The following GNL3 variants were observed in gnomAD, a reference collection of about 807,000 sequenced individuals.
GNL3 encodes the protein guanine nucleotide-binding protein-like 3.
A neutral mutation model predicts 70.6 loss-of-function variants in GNL3; 77 were observed. The ratio of observed to expected loss-of-function variants is 1.09; its 90% CI spans 0.91 to 1.32. GNL3 has a LOEUF of 1.32. GNL3 is among the 40% of genes most tolerant of loss of function. The probability of loss-of-function intolerance (pLI) is 0.00; values close to 1 mark genes in which losing one functional copy is unlikely to be tolerated. For missense variants in GNL3, 634 were observed against 644.0 expected (o/e 0.98, Z 0.17); for synonymous variants, 252 against 216.1 (o/e 1.17, Z -1.46).
chr3:52,694,333 T>C lies in GNL3; in HGVS notation c.*58T>C. The C allele has an allele frequency of 1.1e-6, 1 of 943,148 alleles. No individual in the cohort carries two copies. Among genetic ancestry groups the C allele is most frequent in the Non-Finnish European group, 1.7e-6 (1 of 596,540 alleles). The allele number at this position is 943,148 out of a possible 1,614,324, so 58.4% of individuals were successfully genotyped here. On this transcript the variant is annotated 3_prime_UTR_variant, in exon 15 of 15. Coordinates refer to ENST00000418458, the MANE Select transcript of GNL3 (RefSeq NM_014366.5). ...ACATTTTAAGCAGACTGCTAAACTG[T>C]TCTCTGTATAAGTTATGGTATGCAT...
rs1482717483 is a variant in GNL3 at position 52,693,514 on chromosome 3, C to T, written c.1294C>T (p.Leu432=). The T allele has an allele frequency of 1.2e-6, 2 of 1,614,116 alleles. No individual in the cohort carries two copies. The highest frequency in any genetic ancestry group is 1.6e-4 in the Middle Eastern group (1 of 6,062). ...DMKSGFNLEE[L]EKNNAQSIRA... ...GAAAAGCGGCTTCAATCTGGAAGAA[C>T]TGGAAAAGAACAATGCACAGAGCAT... is the stretch of plus-strand genomic sequence containing the variant. The change falls in exon 12 of 15, where the codon CTG becomes TTG. Residue 432 remains leucine (L), a synonymous_variant. Coordinates refer to ENST00000418458, the MANE Select transcript of GNL3 (RefSeq NM_014366.5).
At chr3:52,691,197 T>G in intron 8 of GNL3, 126 bp downstream of exon 8, 1 of 798,734 alleles carries the variant, frequency 1.3e-6, no homozygotes, top group East Asian at 2.5e-5. Context: ...ACTCAAATAC[T>G]AGCTTCTTGC....
intron 9 of GNL3, among the ~76,000 whole-genome samples, chr3:52,692,567 T>G (rs1578578879): frequency 2.6e-5 from 4 of 152,002 alleles, no homozygotes; most frequent in African/African-American, 9.7e-5. Flanking sequence ...TCCACCCACC[T>G]CGGCCTCCCA....
intron 6 of GNL3, 141 bp downstream of exon 6, chr3:52,689,347 A>G: frequency 1.2e-6 from 1 of 831,374 alleles, no homozygotes; most frequent in Non-Finnish European, 2.1e-6. Flanking sequence ...AGACAGTGCT[A>G]GGCAGTGGGG....
chr3:52,690,883 T>G (rs2097326577), intron 7 of GNL3, 62 bp from the exon 8 acceptor site: 5 of 1,558,630 alleles, frequency 3.2e-6, no homozygotes, highest in Non-Finnish European at 4.4e-6. Flanking sequence ...GCCTGATTGC[T>G]TGGGGTTTGT....
intron 9 of GNL3, 133 bp downstream of exon 9, chr3:52,691,762 G>A: frequency 1.6e-6 from 1 of 619,056 alleles, no homozygotes; most frequent in South Asian, 1.8e-5. Context: ...GAGGGCAATG[G>A]CGCAATCTCG....
intron 8 of GNL3, 52 bp from the exon 9 acceptor site, chr3:52,691,490 T>C (rs1553911228): frequency 9.4e-7 from 1 of 1,066,152 alleles, no homozygotes; most frequent in South Asian, 1.3e-5. Context: ...GAAAATTTCA[T>C]AAGTGCCAAC....
intron 8 of GNL3, 183 bp downstream of exon 8, chr3:52,691,254 A>C (rs1277182407): frequency 9.6e-6 from 6 of 622,890 alleles, no homozygotes; most frequent in Non-Finnish European, 1.7e-5. Flanking sequence ...TAAAGAAAAA[A>C]ACTTACACAA....
At position 52,692,369 on chromosome 3, in the gene GNL3, A is replaced by ACTTTTTTTTT. The variant is rs71087009; in HGVS notation, c.870-503_870-502insCTTTTTTTTT. On this transcript the variant is annotated intron_variant, in intron 9 of 14. Transcript: ENST00000418458. ...GCCACTGTGCCTGGCCAACTTTTAG[A>ACTTTTTTTTT]TTTTTTTTTTTTGGGAGATGGAGTC... Among the ~76,000 whole-genome samples the ACTTTTTTTTT allele has an allele frequency of 6.6e-4, 84 of 126,400 alleles. 3 individuals are homozygous for ACTTTTTTTTT. The highest frequency in any genetic ancestry group is 1.6e-3 in the South Asian group (7 of 4,294). The allele number at this position is 126,400 out of a possible 152,430, so 82.9% of individuals were successfully genotyped here. A position where few individuals can be genotyped will look rare whatever the true frequency, so the allele number is the denominator to read the frequency against.
intron 1 of GNL3, 166 bp downstream of exon 1, chr3:52,686,271 C>G: frequency 4.3e-6 from 3 of 700,098 alleles, no homozygotes. Flanking sequence ...TTGGAAGTCC[C>G]TACGGCGATC....
Position 52,686,799 on chromosome 3 carries a change from G to GC in GNL3, c.46dup (p.His16ProfsTer2). On this transcript the variant is annotated frameshift_variant, in exon 2 of 15. Coordinates refer to ENST00000418458, the MANE Select transcript of GNL3 (RefSeq NM_014366.5). LOFTEE classifies it high-confidence loss of function. ...AAGAAAGCAAGTAAACGCATGACCT[G>GC]CCATAAGCGGTATAAAATCCAAAAA... 6.2e-7 allele frequency: 1 copy of GC among 1,612,604 alleles called. No homozygotes were observed. Among genetic ancestry groups the GC allele is most frequent in the Non-Finnish European group, 8.5e-7 (1 of 1,178,598 alleles).
chr3:52,688,282 C>A, intron 5 of GNL3, 90 bp downstream of exon 5: 2 of 763,856 alleles, frequency 2.6e-6, no homozygotes, highest in Non-Finnish European at 4.6e-6. Context: ...ATGAAGGGTG[C>A]ATGTGCAGGT....
rs959535408 is a variant in GNL3 at position 52,692,909 on chromosome 3, A to G, written c.907A>G (p.Ile303Val). 3.1e-6 allele frequency: 5 copies of G among 1,613,452 alleles called. No individual in the cohort carries two copies. The highest frequency in any genetic ancestry group is 2.2e-5 in the East Asian group (1 of 44,858). Residue 303 changes from isoleucine (I) to valine (V), a missense_variant, in exon 10 of 15, where the codon ATC becomes GTC. Coordinates refer to ENST00000418458, the MANE Select transcript of GNL3 (RefSeq NM_014366.5). ...TGTCCCCTTGGACAAACAGATCACA[A>G]TCATAGATAGTCCGAGCTTCATCGT... is the stretch of plus-strand genomic sequence containing the variant. ...QVVPLDKQIT[I>V]IDSPSFIVSP...
rs2154098762 is a variant in GNL3, at chr3:52,687,392, T to C, written c.210+9T>C. ...AGCTAAGGAAACAGAGGGTAAGTTA[T>C]GTTAGCCAGAATTTTCATTGAGTGG... On this transcript the variant is annotated intron_variant, in intron 3 of 14. Coordinates refer to ENST00000418458, the MANE Select transcript of GNL3 (RefSeq NM_014366.5). The C allele has an allele frequency of 3.7e-6, 6 of 1,613,116 alleles. No individual in the cohort carries two copies. Among genetic ancestry groups the C allele is most frequent in the East Asian group, 2.2e-5 (1 of 44,880 alleles).
At chr3:52,688,256 T>G (rs1055389422) in intron 5 of GNL3, 64 bp downstream of exon 5, 15 of 936,602 alleles carry the variant, frequency 1.6e-5, no homozygotes, top group Non-Finnish European at 2.4e-5. Context: ...AGTCATTTTT[T>G]TTTTAACCTT....
Position 52,694,086 on chromosome 3 carries a change from C to G in GNL3, c.1550C>G (p.Ser517Cys). 6.2e-7 allele frequency: 1 copy of G among 1,613,420 alleles called. No homozygotes were observed. Among genetic ancestry groups the G allele is most frequent in the Non-Finnish European group, 8.5e-7 (1 of 1,179,314 alleles). ...FAAEETGEALSEETTAGEQST... is the reference protein window; with the variant it reads ...FAAEETGEALCEETTAGEQST... ...GCAGAAGAGACAGGGGAGGCACTGT[C>G]TGAGGAGACTACAGCAGGTGAGGCA... The change falls in exon 14 of 15, where the codon TCT becomes TGT. Residue 517 changes from serine (S) to cysteine (C), a missense_variant. Transcript: ENST00000418458.
intron 9 of GNL3, among the ~76,000 whole-genome samples, chr3:52,692,307 C>CA (rs1382265906): frequency 6.6e-6 from 1 of 151,436 alleles, no homozygotes; most frequent in Non-Finnish European, 1.5e-5. Context: ...CTAGGCCTCA[C>CA]AAAGTGTTGG....
chr3:52,692,041 A>G (rs567008823), intron 9 of GNL3, among the ~76,000 whole-genome samples: 15 of 152,260 alleles, frequency 9.9e-5, no homozygotes, highest in African/African-American at 3.4e-4. Flanking sequence ...CAGAGATTTA[A>G]GCCAGTGCTA....
At position 52,690,605 on chromosome 3, in the gene GNL3, G is replaced by A; in HGVS notation, c.555G>A (p.Lys185=). The change falls in exon 7 of 15, where the codon AAG becomes AAA. Residue 185 remains lysine (K), a synonymous_variant. Transcript: ENST00000418458. ...AATTGCTATCAGATCTGGTACCAAA[G>A]GAGAATTTGGAGAGCTGGCTAAATT... ...LILNKSDLVP[K]ENLESWLNYL... 6.3e-7 allele frequency: 1 copy of A among 1,598,666 alleles called. No individual in the cohort carries two copies.
Sources: gnomAD v4.1 joint callset for allele counts (sites outside exome capture counted in the v4.1 genomes callset) on GRCh38, gnomAD v4.1.1 for gene constraint, MANE v1.5 for transcripts, NCBI Gene and HGNC (gene_info 2026-07-23, HGNC 2026-07-21) for gene names.